CA10: variants seen among roughly 807,000 people sequenced by gnomAD.
CA10 encodes carbonic anhydrase 10 (inactive).
In CA10, 14 loss-of-function variants were observed where a neutral mutation model predicts 44.2. That is an observed-to-expected ratio of 0.32 (90% CI 0.21 to 0.50). CA10 has a LOEUF of 0.50. Among genes scored for constraint, CA10 ranks in the 20% least tolerant of loss-of-function variants. The probability of loss-of-function intolerance (pLI) is 0.99; values close to 1 mark genes in which losing one functional copy is unlikely to be tolerated. For missense variants in CA10, 350 were observed against 409.7 expected, an observed-to-expected ratio of 0.85 and a Z score of 1.26; for synonymous variants, 159 against 141.6, an observed-to-expected ratio of 1.12 and a Z score of -0.87.
intron 3 of CA10, among the ~76,000 whole-genome samples, chr17:51,832,130 C>A (rs1263896): frequency 2.0e-5 from 3 of 152,108 alleles, no homozygotes; most frequent in East Asian, 1.9e-4. Flanking sequence ...TCCACACCCC[C>A]AGTGCCACCT....
intron 2 of CA10, among the ~76,000 whole-genome samples, chr17:52,018,767 C>A (rs951568370): frequency 5.9e-5 from 9 of 151,742 alleles, no homozygotes; most frequent in Non-Finnish European, 1.0e-4. Flanking sequence ...ATTTGGAGGA[C>A]CAGGGAAGAA....
chr17:51,998,850 C>G (rs1482702388), intron 2 of CA10, among the ~76,000 whole-genome samples: 1 of 152,024 alleles, frequency 6.6e-6, no homozygotes, highest in Non-Finnish European at 1.5e-5. Context: ...AAATGAGTCT[C>G]TCCACCTCTT....
chr17:51,910,137 G>A (rs569576333), intron 3 of CA10, among the ~76,000 whole-genome samples: 1 of 152,178 alleles, frequency 6.6e-6, no homozygotes, highest in East Asian at 1.9e-4. Flanking sequence ...ATGTCCTTTT[G>A]TGGGTTCATC....
At chr17:51,959,143 C>T (rs1264559629) in intron 2 of CA10, among the ~76,000 whole-genome samples, 1 of 151,874 alleles carries the variant, frequency 6.6e-6, no homozygotes, top group African/African-American at 2.4e-5. Context: ...AGAAAAGCCC[C>T]AGTCACAAAG....
intron 2 of CA10, among the ~76,000 whole-genome samples, chr17:51,986,865 C>T (rs537789593): frequency 5.3e-5 from 8 of 151,884 alleles, no homozygotes; most frequent in East Asian, 1.9e-4. Flanking sequence ...AAGTAGATAT[C>T]GGCATGGATG....
intron 2 of CA10, among the ~76,000 whole-genome samples, chr17:51,956,814 T>C (rs1983682450): frequency 6.6e-6 from 1 of 151,936 alleles, no homozygotes; most frequent in Non-Finnish European, 1.5e-5. Flanking sequence ...GGCTTTTTTT[T>C]TGACCCACAC....
intron 3 of CA10, among the ~76,000 whole-genome samples, chr17:51,838,240 G>A (rs1010087653): frequency 4.6e-5 from 7 of 152,306 alleles, no homozygotes; most frequent in African/African-American, 1.4e-4. Flanking sequence ...CTGGCTCTGC[G>A]TTCTGAATTT....
At chr17:51,896,307 T>C (rs993121682) in intron 3 of CA10, among the ~76,000 whole-genome samples, 1 of 152,106 alleles carries the variant, frequency 6.6e-6, no homozygotes, top group Non-Finnish European at 1.5e-5. Flanking sequence ...ATATGCTCAA[T>C]GTTTAGCTGT....
In CA10 at chr17:51,931,247, C is replaced by T. The variant is rs192074528; in HGVS notation, c.137-115G>A. The T allele has an allele frequency of 4.2e-3, 4,234 of 1,003,410 alleles. 18 individuals carry two copies. The highest frequency in any genetic ancestry group is 0.01 in the South Asian group (647 of 62,070). 62.2% of individuals were successfully genotyped at this position (1,003,410 alleles called of 1,614,324 possible). ...ATGGAAGAGAACCACCAAATGTTCC[C>T]ACCCATGGAGATCCTTGGGGGTTGC... On this transcript the variant is annotated intron_variant, in intron 2 of 8. Transcript: ENST00000451037.
intron 3 of CA10, among the ~76,000 whole-genome samples, chr17:51,852,909 A>C (rs555078735): frequency 6.6e-6 from 1 of 152,228 alleles, no homozygotes; most frequent in South Asian, 2.1e-4. Flanking sequence ...CATAATTCAG[A>C]TCTCTCCCAT....
At chr17:51,756,667 G>A (rs1905090538) in intron 3 of CA10, among the ~76,000 whole-genome samples, 1 of 151,714 alleles carries the variant, frequency 6.6e-6, no homozygotes, top group African/African-American at 2.4e-5. Context: ...TAGTAGAGAC[G>A]GGGTTTCACC....
At chr17:51,814,129 G>A (rs8070451) in intron 3 of CA10, among the ~76,000 whole-genome samples, 46,030 of 151,952 alleles carry the variant, frequency 0.3, 8,470 homozygotes, top group East Asian at 0.51. Flanking sequence ...TAACCTCTTG[G>A]GGCCTCAGTT....
intron 1 of CA10, among the ~76,000 whole-genome samples, chr17:52,076,074 C>G (rs191981879): frequency 6.6e-6 from 1 of 152,122 alleles, no homozygotes; most frequent in East Asian, 1.9e-4. Flanking sequence ...TCTAATAAAA[C>G]CTGAGTAAGA....
intron 3 of CA10, among the ~76,000 whole-genome samples, chr17:51,807,441 A>T (rs184422648): frequency 1.3e-5 from 2 of 152,310 alleles, no homozygotes; most frequent in African/African-American, 4.8e-5. Context: ...AAATCACACA[A>T]CTAGGAAATG....
intron 3 of CA10, among the ~76,000 whole-genome samples, chr17:51,760,703 T>C (rs1437248050): frequency 6.6e-6 from 1 of 152,192 alleles, no homozygotes; most frequent in Non-Finnish European, 1.5e-5. Context: ...TCTGATGGTA[T>C]AACCTGGGAT....
intron 6 of CA10, among the ~76,000 whole-genome samples, chr17:51,646,689 C>T (rs1207177924): frequency 6.6e-6 from 1 of 152,184 alleles, no homozygotes; most frequent in Non-Finnish European, 1.5e-5. Flanking sequence ...TAGTGAATGA[C>T]TCCTACTCCA....
At chr17:51,903,036 G>A (rs138251206) in intron 3 of CA10, among the ~76,000 whole-genome samples, 8 of 152,132 alleles carry the variant, frequency 5.3e-5, no homozygotes, top group South Asian at 2.1e-4. Context: ...GTTGAATTCC[G>A]GGGATGCACA....
upstream of CA10, chr17:52,160,016 G>A (rs1226167863): frequency 6.6e-6 from 1 of 152,166 alleles, no homozygotes; most frequent in Non-Finnish European, 1.5e-5. Flanking sequence ...ATTGGGAACT[G>A]TGACGTTAGG....
At chr17:51,731,015 G>T (rs1424301454) in intron 4 of CA10, among the ~76,000 whole-genome samples, 1 of 152,198 alleles carries the variant, frequency 6.6e-6, no homozygotes, top group Non-Finnish European at 1.5e-5. Flanking sequence ...CCCTGACTGG[G>T]TGTGGATGAC....
Sources: allele counts gnomAD v4.1 joint callset (sites outside exome capture counted in the v4.1 genomes callset), GRCh38; gene constraint gnomAD v4.1.1; transcripts MANE v1.5; gene names NCBI Gene and HGNC (gene_info 2026-07-23, HGNC 2026-07-21).